The following SORCS2 variants were observed in gnomAD, a reference collection of about 807,000 sequenced individuals.
The protein encoded by SORCS2 is sortilin related VPS10 domain containing receptor 2.
SORCS2 carries 100 observed loss-of-function variants against 141.6 expected under a neutral mutation model. The observed-to-expected ratio is 0.71, with a 90% CI of 0.60 to 0.83. The LOEUF (loss-of-function observed/expected upper bound fraction) is 0.83, where lower values mean the gene tolerates loss of function less well. Among genes scored for constraint, SORCS2 ranks in the 40% least tolerant of loss-of-function variants. The pLI is 0.00. For synonymous variants in SORCS2, 789 were observed against 676.9 expected (o/e 1.17, Z -2.57); for missense variants, 1,646 against 1,560.2 (o/e 1.05, Z -0.93).
At chr4:7,661,440 A>T (rs2285788) in intron 5 of SORCS2, 60 bp from the exon 6 acceptor site, 463,655 of 1,528,602 alleles carry the variant, frequency 0.3, 73,850 homozygotes, top group African/African-American at 0.5. Context: ...TGTGGGGAGC[A>T]GCTGGGGGAC....
intron 1 of SORCS2, among the ~76,000 whole-genome samples, chr4:7,200,112 C>G (rs967317032): frequency 6.6e-6 from 1 of 152,122 alleles, no homozygotes; most frequent in African/African-American, 2.4e-5. Flanking sequence ...CTGATCCCCC[C>G]TCGCTGGAAG....
intron 3 of SORCS2, among the ~76,000 whole-genome samples, chr4:7,625,950 G>A (rs2108837995): frequency 6.6e-6 from 1 of 152,150 alleles, no homozygotes; most frequent in East Asian, 1.9e-4. Context: ...ACCAGCCTGG[G>A]CAATGTAGGG....
chr4:7,462,587 C>T (rs764875051), intron 2 of SORCS2, among the ~76,000 whole-genome samples: 5 of 151,924 alleles, frequency 3.3e-5, no homozygotes, highest in Admixed American at 6.6e-5. Flanking sequence ...TCCAAGCATG[C>T]GTGGCACTGT....
chr4:7,278,122 G>A (rs1204065125), intron 1 of SORCS2, among the ~76,000 whole-genome samples: 4 of 152,156 alleles, frequency 2.6e-5, no homozygotes, highest in East Asian at 1.9e-4. Context: ...AGGGCTCCCC[G>A]GTGCCCTCTT....
intron 3 of SORCS2, among the ~76,000 whole-genome samples, chr4:7,549,603 A>T (rs1288573918): frequency 6.6e-6 from 1 of 152,222 alleles, no homozygotes; most frequent in Non-Finnish European, 1.5e-5. Context: ...TGGGACATGG[A>T]TGCTTTCTGC....
rs753569670 is a variant in SORCS2 at position 7,396,368 on chromosome 4, G to T, written c.548+13G>T. On this transcript the variant is annotated intron_variant, in intron 2 of 26. Transcript: ENST00000507866. ...GTTCTCTGTGGCGGTAAGTCAGCCC[G>T]ATGGCAGGCCTTTCTCTTATGCACC... The T allele has an allele frequency of 3.7e-6, 6 of 1,613,508 alleles. No individual in the cohort carries two copies. The highest frequency in any genetic ancestry group is 5.1e-6 in the Non-Finnish European group (6 of 1,179,688).
Position 7,704,271 on chromosome 4 carries a change from A to T in SORCS2, c.1855A>T (p.Thr619Ser). 6.2e-7 allele frequency: 1 copy of T among 1,611,568 alleles called. No homozygotes were observed. Among genetic ancestry groups the T allele is most frequent in the Non-Finnish European group, 8.5e-7 (1 of 1,179,110 alleles). The change falls in exon 14 of 27, where the codon ACG becomes TCG. Residue 619 changes from threonine (T) to serine (S), a missense_variant. Coordinates refer to ENST00000507866, the MANE Select transcript of SORCS2 (RefSeq NM_020777.3). ...DGLLSEPGDE[T>S]LVMTVFGHIS... Reference sequence around the variant, plus strand: ...GCTGCTGAGTGAGCCAGGGGACGAGACGCTGGTCATGACGTGAGTGCGGGG... The same window carrying T: ...GCTGCTGAGTGAGCCAGGGGACGAGTCGCTGGTCATGACGTGAGTGCGGGG...
intron 10 of SORCS2, among the ~76,000 whole-genome samples, chr4:7,688,948 G>A (rs780463902): frequency 1.2e-4 from 19 of 152,248 alleles, no homozygotes; most frequent in African/African-American, 3.1e-4. Flanking sequence ...AGGGTCTTAC[G>A]GGGTGACCCC....
At chr4:7,424,029 CTG>C (rs1279195078) in intron 2 of SORCS2, among the ~76,000 whole-genome samples, 1 of 152,182 alleles carries the variant, frequency 6.6e-6, no homozygotes, top group Non-Finnish European at 1.5e-5. Context: ...ATCCGTGGGT[CTG>C]TGCACAGCTG....
chr4:7,391,185 C>T (rs140912252), intron 1 of SORCS2, among the ~76,000 whole-genome samples: 3 of 152,218 alleles, frequency 2.0e-5, no homozygotes, highest in African/African-American at 4.8e-5. Context: ...GCCAGGGCCA[C>T]CTGGTAAGGA....
intron 3 of SORCS2, among the ~76,000 whole-genome samples, chr4:7,598,841 C>CA (rs376415871): frequency 4.6e-5 from 7 of 152,214 alleles, no homozygotes; most frequent in Non-Finnish European, 8.8e-5. Flanking sequence ...TTCTCCCCCC[C>CA]AGGCTGTGCT....
chr4:7,535,298 G>A (rs1232976398), intron 3 of SORCS2, among the ~76,000 whole-genome samples: 1 of 152,228 alleles, frequency 6.6e-6, no homozygotes, highest in Non-Finnish European at 1.5e-5. Flanking sequence ...AGGAACTGCT[G>A]TCTCGGAGGC....
chr4:7,466,243 A>C (rs916217811), intron 2 of SORCS2, among the ~76,000 whole-genome samples: 1 of 152,200 alleles, frequency 6.6e-6, no homozygotes, highest in African/African-American at 2.4e-5. Context: ...ACGCCCCTGC[A>C]GTCAATCAGG....
intron 2 of SORCS2, among the ~76,000 whole-genome samples, chr4:7,522,900 C>G: frequency 6.8e-4 from 1 of 1,466 alleles, no homozygotes; most frequent in African/African-American, 1.1e-3. Flanking sequence ...CTCTTCTCTC[C>G]TCCCTCCTCC....
At chr4:7,279,408 G>T (rs1715714576) in intron 1 of SORCS2, among the ~76,000 whole-genome samples, 1 of 152,218 alleles carries the variant, frequency 6.6e-6, no homozygotes, top group Admixed American at 6.5e-5. Flanking sequence ...CAGTTGCTCA[G>T]GAGAGCCTTC....
At chr4:7,265,004 G>A (rs552127911) in intron 1 of SORCS2, among the ~76,000 whole-genome samples, 1 of 152,346 alleles carries the variant, frequency 6.6e-6, no homozygotes, top group African/African-American at 2.4e-5. Flanking sequence ...CCCAGGCCCT[G>A]ACACCAGCTT....
At chr4:7,280,992 T>G (rs1487799446) in intron 1 of SORCS2, among the ~76,000 whole-genome samples, 2 of 152,188 alleles carry the variant, frequency 1.3e-5, no homozygotes, top group Admixed American at 6.5e-5. Context: ...AAGAGCCCAG[T>G]GTGAGGACTT....
chr4:7,264,634 C>A (rs1018252485), intron 1 of SORCS2, among the ~76,000 whole-genome samples: 2 of 152,212 alleles, frequency 1.3e-5, no homozygotes, highest in Admixed American at 6.5e-5. Flanking sequence ...GGGTGCTGTT[C>A]TTCTCCTGTG....
At chr4:7,600,428 A>G (rs1717581482) in intron 3 of SORCS2, among the ~76,000 whole-genome samples, 1 of 152,046 alleles carries the variant, frequency 6.6e-6, no homozygotes, top group African/African-American at 2.4e-5. Context: ...AGCCTCAGAA[A>G]CAGCACCGTC....
Sources: allele counts gnomAD v4.1 joint callset (sites outside exome capture counted in the v4.1 genomes callset), GRCh38; gene constraint gnomAD v4.1.1; transcripts MANE v1.5; gene names NCBI Gene and HGNC (gene_info 2026-07-23, HGNC 2026-07-21).